The following PAG1 variants were observed in gnomAD, a reference collection of about 807,000 sequenced individuals.
PAG1 encodes phosphoprotein membrane anchor with glycosphingolipid microdomains 1.
Under a neutral mutation model 31.7 loss-of-function variants are expected in PAG1, and 23 were observed. The observed-to-expected ratio is 0.73, with a 90% CI of 0.52 to 1.03. The LOEUF is 1.03. Ranked by LOEUF, PAG1 falls within the 50% of genes least tolerant of loss-of-function variation. PAG1 has a pLI of 0.00. For synonymous variants in PAG1, 214 were observed against 210.3 expected (o/e 1.02, Z -0.15); for missense variants, 473 against 540.7 (o/e 0.87, Z 1.24).
At chr8:81,032,427 C>T (rs1377729639) in intron 2 of PAG1, among the ~76,000 whole-genome samples, 2 of 152,052 alleles carry the variant, frequency 1.3e-5, no homozygotes, top group Non-Finnish European at 2.9e-5. Context: ...AAAAAAGATA[C>T]ACAAATAATC....
chr8:81,053,541 G>A (rs1468899413), intron 2 of PAG1, among the ~76,000 whole-genome samples: 1 of 152,216 alleles, frequency 6.6e-6, no homozygotes, highest in Non-Finnish European at 1.5e-5. Flanking sequence ...CATGGGGACT[G>A]AGAATACTAG....
At position 80,973,815 on chromosome 8, in the gene PAG1, T is replaced by C. The variant is rs571474943; in HGVS notation, c.*2729A>G. On this transcript the variant is annotated 3_prime_UTR_variant, in exon 9 of 9. Transcript: ENST00000220597. ...CTATACTGTACAGTCAAAACAGTGA[T>C]GGTGCCTCAGTAAATAACTTCAGTA... 8.7e-6 allele frequency: 1 copy of C among 115,004 alleles called. No individual in the cohort carries two copies. Among genetic ancestry groups the C allele is most frequent in the South Asian group, 2.8e-4 (1 of 3,624 alleles). 7.1% of individuals were successfully genotyped at this position (115,004 alleles called of 1,614,324 possible). A position where few individuals can be genotyped will look rare whatever the true frequency, so the allele number is the denominator to read the frequency against.
Position 80,968,958 on chromosome 8 carries a change from C to G in PAG1, c.*7586G>C, listed in dbSNP as rs1264853747. ...GCTCTCATCTCTGCTCCCTTCGCCC[C>G]ACTAGAGTCAACTATACGGTTGATA... is the stretch of plus-strand genomic sequence containing the variant. On this transcript the variant is annotated 3_prime_UTR_variant, in exon 9 of 9. Transcript: ENST00000220597. 1 of 152,138 alleles carries G rather than the reference C, an allele frequency of 6.6e-6. No individual in the cohort carries two copies. The allele number at this position is 152,138 out of a possible 1,614,324, so 9.4% of individuals were successfully genotyped here.
intron 2 of PAG1, among the ~76,000 whole-genome samples, chr8:81,065,596 G>T (rs1240562250): frequency 2.0e-5 from 3 of 152,046 alleles, no homozygotes; most frequent in African/African-American, 7.2e-5. Flanking sequence ...AGATCAGACT[G>T]CTAATAAAAA....
rs56960149 is a variant in PAG1, at chr8:80,993,599, CTT to C, written c.-80-294_-80-293del. On this transcript the variant is annotated intron_variant, in intron 3 of 8. Transcript: ENST00000220597. ...TGTTTGGGGGTGGATTCTTCTTGTTCTTTTTTTTTTTTTTTTTTCTTCAACCA... is the reference window on the plus strand; with the variant it reads ...TGTTTGGGGGTGGATTCTTCTTGTTCTTTTTTTTTTTTTTTTCTTCAACCA... Among the ~76,000 whole-genome samples, 1,145 of 135,910 alleles carry C rather than the reference CTT, an allele frequency of 8.4e-3. 15 individuals carry two copies. The highest frequency in any genetic ancestry group is 0.028 in the African/African-American group (999 of 35,854). The allele number at this position is 135,910 out of a possible 152,430, so 89.2% of individuals were successfully genotyped here.
intron 2 of PAG1, among the ~76,000 whole-genome samples, chr8:81,033,056 G>A (rs766232807): frequency 2.0e-5 from 3 of 152,180 alleles, no homozygotes; most frequent in Non-Finnish European, 4.4e-5. Flanking sequence ...TTAGGGCTAG[G>A]GGAGAAGGGG....
chr8:81,070,458 T>C (rs1346601366), intron 1 of PAG1, among the ~76,000 whole-genome samples: 2 of 152,226 alleles, frequency 1.3e-5, no homozygotes, highest in Non-Finnish European at 2.9e-5. Context: ...CATGTAGTAA[T>C]AAATTATGTC....
Position 81,004,966 on chromosome 8 carries a change from C to T in PAG1, c.-80-11659G>A, listed in dbSNP as rs77341868. 7.4e-3 allele frequency among the ~76,000 whole-genome samples: 1,127 copies of T among 152,326 alleles called. 13 individuals carry two copies. Among genetic ancestry groups the T allele is most frequent in the African/African-American group, 0.025 (1,022 of 41,570 alleles). On this transcript the variant is annotated intron_variant, in intron 3 of 8. Transcript: ENST00000220597. Reference sequence around the variant, plus strand: ...CAGGAAGGTGCTGTATAGAGCCTACCTCCCCCACTTTCTGAATGGAAGAAA... The same window carrying T: ...CAGGAAGGTGCTGTATAGAGCCTACTTCCCCCACTTTCTGAATGGAAGAAA...
At chr8:80,981,064 C>T (rs989485919) in intron 7 of PAG1, among the ~76,000 whole-genome samples, 3 of 152,058 alleles carry the variant, frequency 2.0e-5, no homozygotes, top group African/African-American at 4.8e-5. Flanking sequence ...CTAAATCCCG[C>T]CCTTCAGTTC....
chr8:81,081,402 T>TATA (rs776422690), intron 1 of PAG1, among the ~76,000 whole-genome samples: 29 of 152,294 alleles, frequency 1.9e-4, no homozygotes, highest in Admixed American at 9.2e-4. Context: ...AGCAGTTACT[T>TATA]ATAATAAAGA....
chr8:81,038,066 A>T (rs1468746736), intron 2 of PAG1, among the ~76,000 whole-genome samples: 1 of 152,180 alleles, frequency 6.6e-6, no homozygotes, highest in East Asian at 1.9e-4. Flanking sequence ...GATGAGAAAC[A>T]GTTCTCTGAC....
At chr8:80,977,634 A>G (rs1807212254) in intron 8 of PAG1, among the ~76,000 whole-genome samples, 1 of 152,214 alleles carries the variant, frequency 6.6e-6, no homozygotes, top group African/African-American at 2.4e-5. Flanking sequence ...GTCCAGGTCT[A>G]GTTTTCTTCA....
chr8:81,070,693 G>A (rs973509267), intron 1 of PAG1, among the ~76,000 whole-genome samples: 3 of 150,596 alleles, frequency 2.0e-5, no homozygotes, highest in South Asian at 2.1e-4. Context: ...GTATAGAGAC[G>A]TGATAATTGT....
chr8:81,080,768 C>G (rs761591719), intron 1 of PAG1, among the ~76,000 whole-genome samples: 1 of 152,084 alleles, frequency 6.6e-6, no homozygotes, highest in South Asian at 2.1e-4. Context: ...ACTAAGTGAG[C>G]AAACAAAATA....
intron 4 of PAG1, 76 bp downstream of exon 4, chr8:80,993,027 G>T: frequency 7.4e-7 from 1 of 1,344,442 alleles, no homozygotes; most frequent in Non-Finnish European, 1.0e-6. Context: ...ATTCCTAACA[G>T]GCTTTCCACA....
chr8:81,054,808 G>C (rs1808788845), intron 2 of PAG1, among the ~76,000 whole-genome samples: 1 of 152,154 alleles, frequency 6.6e-6, no homozygotes, highest in Non-Finnish European at 1.5e-5. Flanking sequence ...GCTGGTAAGT[G>C]GTGAAAGAGG....
chr8:80,994,172 G>A lies in PAG1; in HGVS notation c.-80-865C>T, dbSNP rs114939358. Among the ~76,000 whole-genome samples the A allele has an allele frequency of 3.9e-3, 584 of 151,080 alleles. 5 individuals carry two copies. Among genetic ancestry groups the A allele is most frequent in the African/African-American group, 0.013 (545 of 40,586 alleles). ...TCATCTCCCTCACCCACTGTTGTCT[G>A]AGAAGGTTTAAGGTCAATGTAACTA... On this transcript the variant is annotated intron_variant, in intron 3 of 8. Transcript: ENST00000220597.
intron 2 of PAG1, among the ~76,000 whole-genome samples, chr8:81,050,590 A>T (rs914728056): frequency 6.6e-6 from 1 of 152,190 alleles, no homozygotes; most frequent in African/African-American, 2.4e-5. Context: ...TAAAAAAAAA[A>T]TGGTACTCAC....
intron 2 of PAG1, among the ~76,000 whole-genome samples, chr8:81,048,728 G>A (rs886714320): frequency 1.3e-5 from 2 of 152,094 alleles, no homozygotes; most frequent in Admixed American, 6.5e-5. Context: ...CATCAACGAC[G>A]CTAGCATCAT....
Sources: gnomAD v4.1 joint callset for allele counts (sites outside exome capture counted in the v4.1 genomes callset) on GRCh38, gnomAD v4.1.1 for gene constraint, MANE v1.5 for transcripts, NCBI Gene and HGNC (gene_info 2026-07-23, HGNC 2026-07-21) for gene names.